MBP: variants seen among roughly 807,000 people sequenced by gnomAD.
MBP encodes Golli-MBP.
A neutral mutation model predicts 35.8 loss-of-function variants in MBP; 16 were observed. The observed-to-expected ratio is 0.45, with a 90% confidence interval of 0.30 to 0.68. MBP has a LOEUF of 0.68. Ranked by LOEUF, MBP falls within the 30% of genes least tolerant of loss-of-function variation. The pLI, the probability that MBP is intolerant of heterozygous loss-of-function variation, is 0.08. For missense variants in MBP, 380 were observed against 404.7 expected (o/e 0.94, Z 0.52); for synonymous variants, 143 against 159.6 (o/e 0.90, Z 0.78).
At chr18:77,029,437 A>AGGGAGAGGGAGG (rs1972454120) in intron 3 of MBP, among the ~76,000 whole-genome samples, 1 of 23,058 alleles carries the variant, frequency 4.3e-5, no homozygotes, top group African/African-American at 1.9e-4. Flanking sequence ...GGAGAGGGAG[A>AGGGAGAGGGAGG]GGGAGGGGGA....
rs978553814 is a variant in MBP, at chr18:76,994,203, C to T, written c.577-4143G>A. The stretch of plus-strand genomic sequence containing the variant: ...TACCAGACGAAGTTACTTATTAGCT[C>T]CTACTCCAGTGGCCTGAAATCACTG... On this transcript the variant is annotated intron_variant, in intron 4 of 8. Transcript: ENST00000355994. 2.6e-5 allele frequency among the ~76,000 whole-genome samples: 4 copies of T among 152,208 alleles called. No individual in the cohort carries two copies. In the South Asian group the frequency reaches 8.3e-4, roughly 32 times the overall value.
intron 2 of MBP, among the ~76,000 whole-genome samples, chr18:77,078,462 G>T (rs1211551788): frequency 6.6e-6 from 1 of 152,218 alleles, no homozygotes; most frequent in East Asian, 1.9e-4. Context: ...TTCTGGAGAA[G>T]GGAGTAGAAA....
intron 2 of MBP, among the ~76,000 whole-genome samples, chr18:77,091,792 C>T (rs116637429): frequency 9.1e-4 from 139 of 152,068 alleles, no homozygotes; most frequent in Middle Eastern, 3.4e-3. Context: ...CACACATCCT[C>T]ATACATGTAT....
At position 77,044,639 on chromosome 18, in the gene MBP, G is replaced by A. The variant is rs1265923317; in HGVS notation, c.139+21659C>T. ...CCGGTCACACCCTTCCATCCCGTGT[G>A]GTGCTGAGCCCCTCACACACACGAG... On this transcript the variant is annotated intron_variant, in intron 3 of 8. Transcript: ENST00000355994. The surrounding 1 kb of genome is among the most constrained non-coding windows in gnomAD (Gnocchi z 4.4). 1.3e-5 allele frequency among the ~76,000 whole-genome samples: 2 copies of A among 152,120 alleles called. No homozygotes were observed. Among genetic ancestry groups the A allele is most frequent in the Non-Finnish European group, 2.9e-5 (2 of 68,020 alleles).
intron 2 of MBP, among the ~76,000 whole-genome samples, chr18:77,082,006 A>T (rs936637578): frequency 2.0e-5 from 3 of 149,854 alleles, no homozygotes; most frequent in Admixed American, 6.7e-5. Context: ...TGCCCGCCAC[A>T]ACGCCTGGCT....
At chr18:77,084,408 A>T (rs1318253432) in intron 2 of MBP, among the ~76,000 whole-genome samples, 1 of 55,822 alleles carries the variant, frequency 1.8e-5, no homozygotes, top group East Asian at 6.5e-4. Context: ...CCATCACAAC[A>T]CCGCCCCCCC....
chr18:77,039,637 G>A (rs139064514), intron 3 of MBP, among the ~76,000 whole-genome samples: 8 of 152,268 alleles, frequency 5.3e-5, no homozygotes, highest in African/African-American at 1.7e-4. Context: ...ACATGCCAGG[G>A]GACAGAGGTC....
chr18:76,984,983 G>A (rs1158558400), intron 7 of MBP, 89 bp from the exon 8 acceptor site: 22 of 1,572,734 alleles, frequency 1.4e-5, no homozygotes, highest in Non-Finnish European at 1.8e-5. Flanking sequence ...GGGCCCCGGG[G>A]AAGGGCCCAG....
chr18:77,007,100 G>T (rs1971027326), intron 4 of MBP, among the ~76,000 whole-genome samples: 2 of 152,212 alleles, frequency 1.3e-5, no homozygotes, highest in Non-Finnish European at 2.9e-5. Flanking sequence ...TGTCTCCGTT[G>T]GGAGCTGACT....
At chr18:77,064,019 T>TA (rs931281079) in intron 3 of MBP, among the ~76,000 whole-genome samples, 1 of 152,110 alleles carries the variant, frequency 6.6e-6, no homozygotes, top group Non-Finnish European at 1.5e-5. Context: ...GATGTTTGCT[T>TA]AAAAAAACAG....
At chr18:77,012,084 G>C (rs998135851) in intron 4 of MBP, among the ~76,000 whole-genome samples, 16 of 152,206 alleles carry the variant, frequency 1.1e-4, no homozygotes, top group Non-Finnish European at 1.6e-4. Context: ...GAGTTAAGAC[G>C]AGGGTCTGAT....
Position 76,989,977 on chromosome 18 carries a change from T to C in MBP, c.660A>G (p.Val220=), listed in dbSNP as rs1217781845. 6.2e-7 allele frequency: 1 copy of C among 1,612,306 alleles called. No individual in the cohort carries two copies. The highest frequency in any genetic ancestry group is 1.7e-5 in the Admixed American group (1 of 60,022). ...TTACAATGTTCTTGAAGAAGTGGAC[T>C]ACGGGGTTTTCATCTTGGGTCCGGC... ...SHGRTQDENP[V]VHFFKNIVTP... Residue 220 remains valine, a synonymous_variant, in exon 5 of 9, where the codon GTA becomes GTG. Transcript: ENST00000355994. This position sits in a 1 kb window ranked among gnomAD's most constrained non-coding sequence, Gnocchi z 4.0.
At chr18:77,032,973 A>G (rs1972596604) in intron 3 of MBP, among the ~76,000 whole-genome samples, 1 of 152,012 alleles carries the variant, frequency 6.6e-6, no homozygotes, top group Non-Finnish European at 1.5e-5. Context: ...TAATTTTTTT[A>G]TTTTTATTTT....
chr18:76,993,462 AT>A (rs949698466), intron 4 of MBP, among the ~76,000 whole-genome samples: 1 of 148,664 alleles, frequency 6.7e-6, no homozygotes, highest in African/African-American at 2.5e-5. Context: ...AGGCAGGAGA[AT>A]TGCTTGAACC....
At chr18:77,052,252 A>G (rs921813465) in intron 3 of MBP, among the ~76,000 whole-genome samples, 1 of 152,338 alleles carries the variant, frequency 6.6e-6, no homozygotes. Flanking sequence ...AACTTTACTT[A>G]TGGAAACCAA....
At chr18:77,078,935 C>T (rs1288214252) in intron 2 of MBP, among the ~76,000 whole-genome samples, 1 of 152,308 alleles carries the variant, frequency 6.6e-6, no homozygotes, top group South Asian at 2.1e-4. Context: ...GGCACTCCTG[C>T]CCAGCACCCT....
intron 2 of MBP, among the ~76,000 whole-genome samples, chr18:77,085,405 T>A (rs145754236): frequency 6.6e-6 from 1 of 152,326 alleles, no homozygotes; most frequent in East Asian, 1.9e-4. Flanking sequence ...TCTTCTTATC[T>A]CTTTAGTTTC....
rs568931926 is a variant in MBP at position 77,027,163 on chromosome 18, C to T, written c.140-9895G>A. Among the ~76,000 whole-genome samples the T allele has an allele frequency of 2.6e-5, 4 of 152,076 alleles. No homozygotes were observed. In the South Asian group the frequency reaches 8.3e-4, roughly 32 times the overall value. On this transcript the variant is annotated intron_variant, in intron 3 of 8. Coordinates refer to ENST00000355994, the MANE Select transcript of MBP (RefSeq NM_001025101.2). ...GCCTTTGTCTCGCCACCTCAAAACT[C>T]CCAAGTTTTTATTTTGCCAGCTAAG...
rs974521924 is a variant in MBP, at chr18:76,979,641, G to A, written c.*786C>T. On this transcript the variant is annotated 3_prime_UTR_variant, in exon 9 of 9. Coordinates refer to ENST00000355994, the MANE Select transcript of MBP (RefSeq NM_001025101.2). Reference sequence around the variant, plus strand: ...TCTGGGGCCACCATGCAGGGCAACGGTGACGTCCAGAGGCCACCTGCTTGA... The same window carrying A: ...TCTGGGGCCACCATGCAGGGCAACGATGACGTCCAGAGGCCACCTGCTTGA... 13 of 397,858 alleles carry A rather than the reference G, an allele frequency of 3.3e-5. No homozygotes were observed. The highest frequency in any genetic ancestry group is 2.7e-4 in the African/African-American group (13 of 48,828). 24.6% of individuals were successfully genotyped at this position (397,858 alleles called of 1,614,324 possible). A position where few individuals can be genotyped will look rare whatever the true frequency, so the allele number is the denominator to read the frequency against.
Sources: allele counts gnomAD v4.1 joint callset (sites outside exome capture counted in the v4.1 genomes callset), GRCh38; gene constraint gnomAD v4.1.1; non-coding constraint Gnocchi (gnomAD v3.1); transcripts MANE v1.5; gene names NCBI Gene and HGNC (gene_info 2026-07-23, HGNC 2026-07-21).